Variants in PDLIM1 observed in about 807,000 individuals in gnomAD.
PDLIM1 encodes the protein PDZ and LIM domain 1, also known as PDZ and LIM domain protein 1.
In PDLIM1, 25 loss-of-function variants were observed where a neutral mutation model predicts 35.2. The observed-to-expected ratio is 0.71, with a 90% CI of 0.52 to 0.99. The LOEUF is 0.99. Ranked by LOEUF, PDLIM1 falls within the 50% of genes least tolerant of loss-of-function variation. The pLI, the probability that PDLIM1 is intolerant of heterozygous loss-of-function variation, is 0.00. For synonymous variants in PDLIM1, 152 were observed against 154.0 expected, an observed-to-expected ratio of 0.99 and a Z score of 0.10; for missense variants, 363 against 415.3, an observed-to-expected ratio of 0.87 and a Z score of 1.09.
chr10:95,276,504 G>C (rs576609773), intron 1 of PDLIM1, among the ~76,000 whole-genome samples: 1 of 152,292 alleles, frequency 6.6e-6, no homozygotes, highest in South Asian at 2.1e-4. Context: ...CAGGAGAGAA[G>C]GCCTGTGCCT....
intron 3 of PDLIM1, among the ~76,000 whole-genome samples, chr10:95,266,190 C>T (rs573885668): frequency 1.2e-3 from 177 of 151,972 alleles, no homozygotes; most frequent in Non-Finnish European, 2.2e-3. Context: ...GAGCAAGACT[C>T]CATCTCACAA....
intron 2 of PDLIM1, among the ~76,000 whole-genome samples, chr10:95,271,054 CAT>C (rs1327861763): frequency 8.6e-5 from 13 of 151,836 alleles, no homozygotes; most frequent in Non-Finnish European, 1.9e-4. Context: ...CTGGCCAGGA[CAT>C]TTTACTTACT....
intron 4 of PDLIM1, among the ~76,000 whole-genome samples, chr10:95,261,083 C>T (rs76136886): frequency 1.8e-3 from 271 of 152,274 alleles, no homozygotes; most frequent in African/African-American, 6.1e-3. Flanking sequence ...TTTTGATACT[C>T]GGCAACTACT....
At chr10:95,252,631 A>G (rs941203926) in intron 4 of PDLIM1, among the ~76,000 whole-genome samples, 3 of 152,252 alleles carry the variant, frequency 2.0e-5, no homozygotes, top group African/African-American at 7.2e-5. Flanking sequence ...AGTCATCATA[A>G]AAATGTTTCA....
rs2035437011 is a variant in PDLIM1, at chr10:95,268,777, C to G, written c.333+1G>C. 6.2e-7 allele frequency: 1 copy of G among 1,602,184 alleles called. No individual in the cohort carries two copies. Among genetic ancestry groups the G allele is most frequent in the East Asian group, 2.2e-5 (1 of 44,832 alleles). On this transcript the variant is annotated splice_donor_variant, in intron 3 of 6. Transcript: ENST00000329399. LOFTEE classifies it high-confidence loss of function. ...AGCGGCAACGATGAGCAAGAACTTA[C>G]CTGGGGTTCAGAGGCTAAATTCATC...
chr10:95,246,489 C>T (rs1283120670), intron 5 of PDLIM1, among the ~76,000 whole-genome samples: 1 of 152,122 alleles, frequency 6.6e-6, no homozygotes, highest in Non-Finnish European at 1.5e-5. Context: ...CAAAGCTCAC[C>T]CCAAGGACAA....
At chr10:95,267,224 AT>A (rs1240739048) in intron 3 of PDLIM1, among the ~76,000 whole-genome samples, 8 of 152,254 alleles carry the variant, frequency 5.3e-5, no homozygotes, top group Admixed American at 2.6e-4. Context: ...TAAAATGAAA[AT>A]TCAAATATAC....
intron 4 of PDLIM1, 74 bp from the exon 5 acceptor site, chr10:95,247,440 G>A (rs45626739): frequency 4.7e-5 from 56 of 1,193,432 alleles, no homozygotes; most frequent in Non-Finnish European, 6.5e-5. Context: ...ACCTCCTCCA[G>A]GCAGACACTG....
At chr10:95,288,375 T>C (rs1589522228) in intron 1 of PDLIM1, among the ~76,000 whole-genome samples, 2 of 152,140 alleles carry the variant, frequency 1.3e-5, no homozygotes, top group Non-Finnish European at 2.9e-5. Context: ...TCAAAGTCTA[T>C]CATATACAAA....
At chr10:95,277,179 A>G (rs2035519226) in intron 1 of PDLIM1, among the ~76,000 whole-genome samples, 1 of 151,498 alleles carries the variant, frequency 6.6e-6, no homozygotes, top group Admixed American at 6.6e-5. Flanking sequence ...TGTGCCACTG[A>G]ACTCCAGCCT....
At chr10:95,244,849 G>A (rs1409296205) in intron 5 of PDLIM1, among the ~76,000 whole-genome samples, 7 of 152,110 alleles carry the variant, frequency 4.6e-5, no homozygotes, top group African/African-American at 9.7e-5. Flanking sequence ...GCAGTGAGCC[G>A]AGATCATGCC....
At chr10:95,280,219 T>C (rs1422765882) in intron 1 of PDLIM1, among the ~76,000 whole-genome samples, 1 of 151,958 alleles carries the variant, frequency 6.6e-6, no homozygotes, top group Non-Finnish European at 1.5e-5. Flanking sequence ...CTACTAAAAA[T>C]ACAAAAAATT....
chr10:95,242,029 C>T (rs138175297), intron 5 of PDLIM1, among the ~76,000 whole-genome samples: 1 of 152,216 alleles, frequency 6.6e-6, no homozygotes, highest in Non-Finnish European at 1.5e-5. Flanking sequence ...AGGCTTCCCC[C>T]CTCAGAGCTG....
chr10:95,289,305 G>A (rs928271003), intron 1 of PDLIM1, among the ~76,000 whole-genome samples: 1 of 152,178 alleles, frequency 6.6e-6, no homozygotes, highest in Non-Finnish European at 1.5e-5. Flanking sequence ...TACCCAGCCC[G>A]GCCAGGTACA....
Position 95,237,652 on chromosome 10 carries a change from T to C in PDLIM1, c.*273A>G. The stretch of plus-strand genomic sequence containing the variant: ...TTTGATTGGGTTCAAATTTGGCTGA[T>C]GTCCAAATGCAGCAGAGAAGAACGG... On this transcript the variant is annotated 3_prime_UTR_variant, in exon 7 of 7. Coordinates refer to ENST00000329399, the MANE Select transcript of PDLIM1 (RefSeq NM_020992.4). 2.3e-6 allele frequency: 1 copy of C among 431,926 alleles called. No individual in the cohort carries two copies. The highest frequency in any genetic ancestry group is 4.2e-6 in the Non-Finnish European group (1 of 239,116). The allele number at this position is 431,926 out of a possible 1,614,324, so 26.8% of individuals were successfully genotyped here. A position where few individuals can be genotyped will look rare whatever the true frequency, so the allele number is the denominator to read the frequency against.
chr10:95,272,744 A>G (rs1554833076), intron 1 of PDLIM1, among the ~76,000 whole-genome samples: 1 of 152,190 alleles, frequency 6.6e-6, no homozygotes, highest in Non-Finnish European at 1.5e-5. Context: ...GTATGGTAGT[A>G]TAGGTTTATA....
intron 4 of PDLIM1, among the ~76,000 whole-genome samples, chr10:95,252,286 G>A (rs746883503): frequency 1.3e-5 from 2 of 152,074 alleles, no homozygotes; most frequent in Non-Finnish European, 2.9e-5. Flanking sequence ...AAGCCATATG[G>A]GGAGCCAGAA....
intron 5 of PDLIM1, among the ~76,000 whole-genome samples, chr10:95,243,750 C>T (rs941482991): frequency 6.6e-6 from 1 of 152,124 alleles, no homozygotes; most frequent in Non-Finnish European, 1.5e-5. Context: ...GTAATATACA[C>T]AAACAACGGA....
At chr10:95,264,557 C>G (rs1271341284) in intron 3 of PDLIM1, among the ~76,000 whole-genome samples, 2 of 152,182 alleles carry the variant, frequency 1.3e-5, no homozygotes, top group East Asian at 3.8e-4. Context: ...TGTGGTGTCA[C>G]AGGGGAAGCA....
Sources: gnomAD v4.1 joint callset for allele counts (sites outside exome capture counted in the v4.1 genomes callset) on GRCh38, gnomAD v4.1.1 for gene constraint, MANE v1.5 for transcripts, NCBI Gene and HGNC (gene_info 2026-07-23, HGNC 2026-07-21) for gene names.